CD99: variants seen among roughly 807,000 people sequenced by gnomAD.
CD99 encodes CD99 molecule (Xg blood group), also known as CD99 antigen.
A neutral mutation model predicts 28.4 loss-of-function variants in CD99; 19 were observed. That is an observed-to-expected ratio of 0.67 (90% CI 0.47 to 0.98). The LOEUF (loss-of-function observed/expected upper bound fraction) is 0.98. Among genes scored for constraint, CD99 ranks in the 50% least tolerant of loss-of-function variants. The pLI is 0.00. For synonymous variants in CD99, 103 were observed against 92.1 expected (o/e 1.12, Z -0.67); for missense variants, 283 against 248.8 (o/e 1.14, Z -0.92).
At chrX:2,733,500 C>A in intron 8 of CD99, 1 of 971,172 alleles carries the variant, frequency 1.0e-6, no homozygotes, top group African/African-American at 1.6e-5. Context: ...AAATTCCCAC[C>A]ACGATGGGAT....
At chrX:2,733,960 C>T (rs1347137108) in intron 8 of CD99, among the ~76,000 whole-genome samples, 5 of 152,204 alleles carry the variant, frequency 3.3e-5, no homozygotes, top group African/African-American at 1.2e-4. Flanking sequence ...AAAATTCATA[C>T]GTTGAGGAAT....
chrX:2,728,196 G>GTTTTTT (rs2049392767), intron 8 of CD99, among the ~76,000 whole-genome samples: 1 of 128,394 alleles, frequency 7.8e-6, no homozygotes, highest in African/African-American at 3.1e-5. Context: ...GTGTTTGGTT[G>GTTTTTT]TTTCTTTTTT....
intron 8 of CD99, among the ~76,000 whole-genome samples, chrX:2,728,776 G>T (rs1015559303): frequency 6.0e-4 from 91 of 150,760 alleles, no homozygotes; most frequent in Non-Finnish European, 1.2e-3. Context: ...GGTAAGGAAG[G>T]CTTGTTTGCC....
intron 1 of CD99, among the ~76,000 whole-genome samples, chrX:2,698,156 T>C (rs1000866025): frequency 6.6e-6 from 1 of 151,372 alleles, no homozygotes; most frequent in African/African-American, 2.4e-5. Flanking sequence ...CACCGGGCAG[T>C]GGCTTGCAAT....
At chrX:2,711,241 A>G (rs2048389618) in intron 1 of CD99, among the ~76,000 whole-genome samples, 1 of 147,766 alleles carries the variant, frequency 6.8e-6, no homozygotes, top group Non-Finnish European at 1.5e-5. Context: ...TATAATATAT[A>G]TATGTGTATA....
At chrX:2,736,952 G>A (rs1235764623) in intron 8 of CD99, among the ~76,000 whole-genome samples, 2 of 151,884 alleles carry the variant, frequency 1.3e-5, no homozygotes, top group African/African-American at 4.8e-5. Flanking sequence ...AAGAAAACCG[G>A]GTACACAAGA....
intron 8 of CD99, among the ~76,000 whole-genome samples, chrX:2,736,873 T>TAATAAATAAATA (rs766963512): frequency 8.1e-5 from 12 of 148,664 alleles, no homozygotes; most frequent in African/African-American, 3.0e-4. Context: ...ATAATAATAA[T>TAATAAATAAATA]AATAAATAAA....
chrX:2,717,538 C>T (rs1331728172), intron 2 of CD99, 67 bp from the exon 3 acceptor site: 2 of 1,257,794 alleles, frequency 1.6e-6, no homozygotes, highest in Non-Finnish European at 2.3e-6. Context: ...CATCCTTAAC[C>T]ACAAAAGAGT....
chrX:2,706,862 C>A (rs1057475433), intron 1 of CD99, among the ~76,000 whole-genome samples: 6 of 151,636 alleles, frequency 4.0e-5, no homozygotes, highest in African/African-American at 1.2e-4. Flanking sequence ...ACTCTGTCGC[C>A]CAGGCTGGAG....
chrX:2,711,342 T>C (rs1340628392), intron 1 of CD99, among the ~76,000 whole-genome samples: 1 of 149,062 alleles, frequency 6.7e-6, no homozygotes, highest in Non-Finnish European at 1.5e-5. Context: ...ATATGTAGTG[T>C]GTGTATACAT....
chrX:2,717,579 C>T, intron 2 of CD99, 26 bp from the exon 3 acceptor site: 1 of 1,598,232 alleles, frequency 6.3e-7, no homozygotes, highest in Non-Finnish European at 8.6e-7. Flanking sequence ...GCAACTTTTA[C>T]TAACTGAAAT....
rs757380222 is a variant in CD99 at position 2,702,740 on chromosome X, C to T, written c.67+11313C>T. 1.1e-4 allele frequency among the ~76,000 whole-genome samples: 16 copies of T among 152,086 alleles called. No individual in the cohort carries two copies. The South Asian group carries it at 2.9e-3, about 28-fold the overall frequency. On this transcript the variant is annotated intron_variant, in intron 1 of 9. Transcript: ENST00000381192. ...CCCTTTATGTTCTTCTCCTTACCCT[C>T]GGCTATTTTGTTCATGCACAGAACG...
chrX:2,724,032 A>T (rs1179320035), intron 7 of CD99, among the ~76,000 whole-genome samples: 4 of 137,962 alleles, frequency 2.9e-5, no homozygotes, highest in Non-Finnish European at 4.6e-5. Flanking sequence ...GAAGGAAGGA[A>T]GGGAGGAAAA....
intron 8 of CD99, among the ~76,000 whole-genome samples, chrX:2,736,075 G>A (rs762564769): frequency 7.2e-5 from 11 of 151,884 alleles, no homozygotes; most frequent in South Asian, 4.2e-4. Context: ...GGTGGCGGGC[G>A]CCTGTAGTCC....
At chrX:2,694,788 T>C (rs2047495888) in intron 1 of CD99, among the ~76,000 whole-genome samples, 1 of 151,992 alleles carries the variant, frequency 6.6e-6, no homozygotes, top group Non-Finnish European at 1.5e-5. Context: ...TAGCTCTTTC[T>C]CCTTTCTCTG....
At chrX:2,724,301 C>G (rs1205023555) in intron 7 of CD99, among the ~76,000 whole-genome samples, 1 of 152,192 alleles carries the variant, frequency 6.6e-6, no homozygotes, top group African/African-American at 2.4e-5. Flanking sequence ...TATGACATGA[C>G]TGTGTCCTGC....
chrX:2,718,332 C>T (rs2048834626), intron 3 of CD99, among the ~76,000 whole-genome samples: 1 of 151,654 alleles, frequency 6.6e-6, no homozygotes, highest in Non-Finnish European at 1.5e-5. Context: ...TGTGGGCACA[C>T]ACCTCATTTG....
chrX:2,718,654 C>G (rs1169794197), intron 3 of CD99, among the ~76,000 whole-genome samples: 1 of 152,192 alleles, frequency 6.6e-6, no homozygotes, highest in Non-Finnish European at 1.5e-5. Context: ...CGGGCATGAG[C>G]CACCACACCC....
intron 8 of CD99, 30 bp downstream of exon 8, chrX:2,726,403 T>A: frequency 7.4e-7 from 1 of 1,350,784 alleles, no homozygotes; most frequent in Non-Finnish European, 1.1e-6. Flanking sequence ...TGCCTCTCCT[T>A]CATGCCTTGC....
Sources: gnomAD v4.1 joint callset for allele counts (sites outside exome capture counted in the v4.1 genomes callset) on GRCh38, gnomAD v4.1.1 for gene constraint, MANE v1.5 for transcripts, NCBI Gene and HGNC (gene_info 2026-07-23, HGNC 2026-07-21) for gene names.